Variants in CADPS observed in about 807,000 individuals in gnomAD.
CADPS encodes the protein calcium dependent secretion activator.
A neutral mutation model predicts 167.3 loss-of-function variants in CADPS; 57 were observed. The observed-to-expected ratio is 0.34, with a 90% confidence interval of 0.28 to 0.42. CADPS has a LOEUF of 0.42. Among genes scored for constraint, CADPS ranks in the 20% least tolerant of loss-of-function variants. The pLI is 1.00. For missense variants in CADPS, 1,414 were observed against 1,738.1 expected (o/e 0.81, Z 3.32); for synonymous variants, 676 against 635.3 (o/e 1.06, Z -0.96).
intron 1 of CADPS, among the ~76,000 whole-genome samples, chr3:62,852,633 C>T (rs2078862999): frequency 6.6e-6 from 1 of 151,960 alleles, no homozygotes; most frequent in Non-Finnish European, 1.5e-5. Flanking sequence ...CCAGGTGGTC[C>T]CCAGTTTACT....
Position 62,499,170 on chromosome 3 carries a change from G to A in CADPS, c.2698C>T (p.His900Tyr). 6.2e-7 allele frequency: 1 copy of A among 1,608,200 alleles called. No individual in the cohort carries two copies. Among genetic ancestry groups the A allele is most frequent in the Non-Finnish European group, 8.5e-7 (1 of 1,174,696 alleles). Residue 900 changes from histidine (H) to tyrosine (Y), a missense_variant, in exon 18 of 30, where the codon CAC (histidine) becomes TAC (tyrosine). Transcript: ENST00000383710. Reference protein sequence around the residue: ...IEVLQQNEEHHAEPHVDKGEA... With the variant: ...IEVLQQNEEHYAEPHVDKGEA... ...CCACCAAGCCTGCTCACCTCTGCGT[G>A]GTGCTCCTCATTTTGCTGAAGAACT...
At chr3:62,764,090 T>A (rs1332241607) in intron 2 of CADPS, among the ~76,000 whole-genome samples, 3 of 152,172 alleles carry the variant, frequency 2.0e-5, no homozygotes, top group African/African-American at 7.2e-5. Flanking sequence ...TTGCAACCTA[T>A]AAATTTATAA....
intron 1 of CADPS, among the ~76,000 whole-genome samples, chr3:62,790,030 C>A (rs1284626777): frequency 6.6e-6 from 1 of 151,868 alleles, no homozygotes; most frequent in African/African-American, 2.4e-5. Flanking sequence ...TGAATACAAG[C>A]TTTTTGGAGG....
intron 24 of CADPS, among the ~76,000 whole-genome samples, chr3:62,472,663 T>C (rs2060768603): frequency 1.3e-5 from 2 of 152,202 alleles, no homozygotes; most frequent in African/African-American, 4.8e-5. Flanking sequence ...TTGATTTGCT[T>C]TGAAAAACAG....
chr3:62,776,383 G>A (rs926069168), intron 1 of CADPS, among the ~76,000 whole-genome samples: 1 of 152,184 alleles, frequency 6.6e-6, no homozygotes, highest in African/African-American at 2.4e-5. Context: ...GGCCGGGCAC[G>A]GTGGCTCATG....
intron 1 of CADPS, among the ~76,000 whole-genome samples, chr3:62,856,943 A>G (rs758331882): frequency 6.6e-6 from 1 of 151,888 alleles, no homozygotes; most frequent in Non-Finnish European, 1.5e-5. Context: ...AAGGTCTTTC[A>G]TTGCATGAAA....
At chr3:62,639,776 G>A (rs1238924342) in intron 6 of CADPS, among the ~76,000 whole-genome samples, 1 of 151,938 alleles carries the variant, frequency 6.6e-6, no homozygotes, top group East Asian at 1.9e-4. Context: ...GTAAGTTGTC[G>A]GCCCTGCCCT....
intron 1 of CADPS, among the ~76,000 whole-genome samples, chr3:62,870,122 G>A (rs75019388): frequency 3.0e-3 from 450 of 152,238 alleles, no homozygotes; most frequent in African/African-American, 0.01. Context: ...GCTTCCCAAT[G>A]TACCAAGGAA....
intron 1 of CADPS, among the ~76,000 whole-genome samples, chr3:62,795,953 C>G (rs534391313): frequency 2.6e-5 from 4 of 152,136 alleles, no homozygotes; most frequent in Non-Finnish European, 5.9e-5. Context: ...TGGGGACACT[C>G]TACATGATTA....
intron 1 of CADPS, among the ~76,000 whole-genome samples, chr3:62,767,773 T>G (rs2087297630): frequency 6.6e-6 from 1 of 152,172 alleles, no homozygotes; most frequent in South Asian, 2.1e-4. Flanking sequence ...CATGTATAAT[T>G]TTAAGTTTTA....
chr3:62,655,958 G>C (rs1579757596), intron 4 of CADPS, among the ~76,000 whole-genome samples: 1 of 152,180 alleles, frequency 6.6e-6, no homozygotes, highest in South Asian at 2.1e-4. Context: ...TACAAAGAGG[G>C]CATCAAGGAA....
intron 1 of CADPS, among the ~76,000 whole-genome samples, chr3:62,798,971 T>C (rs1312711877): frequency 2.6e-5 from 4 of 152,168 alleles, no homozygotes; most frequent in African/African-American, 9.7e-5. Context: ...TCAGCAGATA[T>C]TTTGGCATGA....
Position 62,412,520 on chromosome 3 carries a change from C to T in CADPS, c.3778-9335G>A, listed in dbSNP as rs190916802. 2.6e-5 allele frequency among the ~76,000 whole-genome samples: 4 copies of T among 152,274 alleles called. No individual in the cohort carries two copies. The East Asian group carries it at 7.7e-4, about 29-fold the overall frequency. Reference sequence around the variant, plus strand: ...GATTTAACATTTGGGAGCATTATTTCAACTCCCTTAGGAAGGTCCCAAATA... The same window carrying T: ...GATTTAACATTTGGGAGCATTATTTTAACTCCCTTAGGAAGGTCCCAAATA... On this transcript the variant is annotated intron_variant, in intron 28 of 29. Transcript: ENST00000383710. The surrounding 1 kb of genome is among the most constrained non-coding windows in gnomAD (Gnocchi z 4.1).
chr3:62,456,679 T>C (rs1271475016), intron 26 of CADPS, among the ~76,000 whole-genome samples: 1 of 151,892 alleles, frequency 6.6e-6, no homozygotes, highest in Non-Finnish European at 1.5e-5. Context: ...GTACATATCC[T>C]GCACTTGGGA....
chr3:62,442,263 G>A (rs1292806236), intron 27 of CADPS, among the ~76,000 whole-genome samples: 5 of 151,228 alleles, frequency 3.3e-5, no homozygotes, highest in Admixed American at 3.3e-4. Context: ...CCAGGCTGGA[G>A]TACAATGGCA....
In CADPS at chr3:62,468,044, G is replaced by T. The variant is rs190203227; in HGVS notation, c.3478-1631C>A. ...CTAATGGCTTGTATGTTGTAGTCCC[G>T]TTGAATCAGAACCCATGTTGGCTAT... On this transcript the variant is annotated intron_variant, in intron 24 of 29. Transcript: ENST00000383710. Among the ~76,000 whole-genome samples the T allele has an allele frequency of 7.2e-5, 11 of 152,198 alleles. 1 individual carries two copies. Among genetic ancestry groups the T allele is most frequent in the African/African-American group, 2.4e-4 (10 of 41,554 alleles).
chr3:62,741,619 T>C (rs1575705561), intron 3 of CADPS, among the ~76,000 whole-genome samples: 2 of 152,168 alleles, frequency 1.3e-5, no homozygotes, highest in East Asian at 1.9e-4. Context: ...TGAAGGAACA[T>C]ACCTCAAAAT....
chr3:62,490,943 T>C (rs2063584937), intron 21 of CADPS, among the ~76,000 whole-genome samples: 1 of 152,148 alleles, frequency 6.6e-6, no homozygotes, highest in Admixed American at 6.5e-5. Flanking sequence ...ATATGGCCTT[T>C]TATAGAAAAA....
intron 1 of CADPS, among the ~76,000 whole-genome samples, chr3:62,769,915 G>T (rs2088118046): frequency 6.6e-6 from 1 of 152,076 alleles, no homozygotes; most frequent in Non-Finnish European, 1.5e-5. Context: ...ACTTCCCAAA[G>T]TTGCTAAAAA....
Sources: gnomAD v4.1 joint callset for allele counts (sites outside exome capture counted in the v4.1 genomes callset) on GRCh38, gnomAD v4.1.1 for gene constraint, Gnocchi (gnomAD v3.1) non-coding constraint, MANE v1.5 for transcripts, NCBI Gene and HGNC (gene_info 2026-07-23, HGNC 2026-07-21) for gene names.